The following LRRC4C variants were observed in gnomAD, a reference collection of about 807,000 sequenced individuals.
The protein encoded by LRRC4C is leucine-rich repeat-containing protein 4C.
A neutral mutation model predicts 33.6 loss-of-function variants in LRRC4C; 5 were observed. The observed-to-expected ratio is 0.15, with a 90% CI of 0.08 to 0.31. LRRC4C has a LOEUF of 0.31. LRRC4C is among the 10% of genes least tolerant of loss of function. The probability of loss-of-function intolerance (pLI) is 1.00; values close to 1 mark genes in which losing one functional copy is unlikely to be tolerated. For missense variants in LRRC4C, 560 were observed against 796.7 expected (o/e 0.70, Z 3.58); for synonymous variants, 329 against 302.0 (o/e 1.09, Z -0.93).
At chr11:40,254,866 T>G (rs566006870) in intron 4 of LRRC4C, among the ~76,000 whole-genome samples, 4 of 152,286 alleles carry the variant, frequency 2.6e-5, no homozygotes, top group African/African-American at 9.6e-5. Flanking sequence ...TAAAGTGCAG[T>G]GGTCCAATTA....
intron 1 of LRRC4C, among the ~76,000 whole-genome samples, chr11:41,281,042 T>TTCTCTCTCTCTC (rs71063910): frequency 0.027 from 2,036 of 75,834 alleles, 200 homozygotes; most frequent in African/African-American, 0.068. Flanking sequence ...AATACATATT[T>TTCTCTCTCTCTC]TCTCTCTCTC....
At chr11:40,953,227 G>A (rs1231460867) in intron 1 of LRRC4C, among the ~76,000 whole-genome samples, 4 of 151,816 alleles carry the variant, frequency 2.6e-5, no homozygotes, top group Non-Finnish European at 5.9e-5. Context: ...ATAAAGTAAG[G>A]GAGTTATACA....
intron 3 of LRRC4C, among the ~76,000 whole-genome samples, chr11:40,370,617 G>C (rs1050456273): frequency 2.0e-5 from 3 of 152,112 alleles, no homozygotes; most frequent in East Asian, 1.9e-4. Context: ...ACATACTTAG[G>C]AGCACAAAAT....
At chr11:41,392,255 A>G (rs748598930) in intron 1 of LRRC4C, among the ~76,000 whole-genome samples, 1 of 151,878 alleles carries the variant, frequency 6.6e-6, no homozygotes, top group Non-Finnish European at 1.5e-5. Flanking sequence ...GATGTAAGCC[A>G]CGTGGTGAAT....
At chr11:40,309,196 G>A (rs1480224225) in intron 4 of LRRC4C, among the ~76,000 whole-genome samples, 1 of 152,156 alleles carries the variant, frequency 6.6e-6, no homozygotes, top group African/African-American at 2.4e-5. Context: ...CCTGCCATCA[G>A]TAAACACTAA....
chr11:40,997,292 G>A (rs1365851213), intron 1 of LRRC4C, among the ~76,000 whole-genome samples: 1 of 152,016 alleles, frequency 6.6e-6, no homozygotes, highest in African/African-American at 2.4e-5. Context: ...TGAAAAGAAG[G>A]AAAACTATAA....
At chr11:40,576,914 CAG>C (rs1449539369) in intron 3 of LRRC4C, among the ~76,000 whole-genome samples, 1 of 152,100 alleles carries the variant, frequency 6.6e-6, no homozygotes, top group Non-Finnish European at 1.5e-5. Flanking sequence ...TATAAAATAA[CAG>C]ATTACTAACA....
intron 1 of LRRC4C, among the ~76,000 whole-genome samples, chr11:41,121,917 T>A (rs1331341743): frequency 8.5e-6 from 1 of 117,720 alleles, no homozygotes; most frequent in African/African-American, 2.8e-5. Flanking sequence ...AGAGGTGTTG[T>A]CATCATTAGC....
intron 3 of LRRC4C, among the ~76,000 whole-genome samples, chr11:40,344,440 G>A (rs1947027011): frequency 6.6e-6 from 1 of 151,948 alleles, no homozygotes; most frequent in Non-Finnish European, 1.5e-5. Context: ...AAAGCTTCCA[G>A]TAAAATTCAA....
At chr11:40,127,712 T>A (rs1467285043) in intron 6 of LRRC4C, among the ~76,000 whole-genome samples, 2 of 152,180 alleles carry the variant, frequency 1.3e-5, no homozygotes, top group East Asian at 3.9e-4. Flanking sequence ...CCAATCTGAT[T>A]ATCTGACTAC....
intron 1 of LRRC4C, among the ~76,000 whole-genome samples, chr11:40,958,840 T>C (rs1391753359): frequency 6.6e-6 from 1 of 151,686 alleles, no homozygotes; most frequent in African/African-American, 2.4e-5. Flanking sequence ...GCTATCAGGA[T>C]TCATAAAGAA....
chr11:40,270,776 AC>A (rs1455174056), intron 4 of LRRC4C, among the ~76,000 whole-genome samples: 1 of 152,122 alleles, frequency 6.6e-6, no homozygotes, highest in African/African-American at 2.4e-5. Flanking sequence ...AATTCACTAA[AC>A]AAAAACTTCT....
intron 3 of LRRC4C, among the ~76,000 whole-genome samples, chr11:40,514,651 TC>T (rs1414464381): frequency 6.6e-6 from 1 of 152,120 alleles, no homozygotes; most frequent in Non-Finnish European, 1.5e-5. Context: ...GGATTTTCCT[TC>T]CATCTATTGT....
chr11:40,929,611 T>A (rs1363348082), intron 2 of LRRC4C, among the ~76,000 whole-genome samples: 1 of 151,994 alleles, frequency 6.6e-6, no homozygotes, highest in Non-Finnish European at 1.5e-5. Flanking sequence ...TCTTTTTTAT[T>A]TTATTTTATT....
chr11:40,471,342 T>C (rs1952925332), intron 3 of LRRC4C, among the ~76,000 whole-genome samples: 1 of 152,046 alleles, frequency 6.6e-6, no homozygotes, highest in South Asian at 2.1e-4. Flanking sequence ...TGCTGAGGGA[T>C]TTTTGTCACC....
intron 2 of LRRC4C, among the ~76,000 whole-genome samples, chr11:40,864,971 A>C (rs4755563): frequency 0.71 from 107,341 of 152,054 alleles, 41,571 homozygotes; most frequent in Non-Finnish European, 0.86. Context: ...TCAAACCATA[A>C]CAAAAAGCCA....
At chr11:41,356,325 T>C (rs1479834408) in intron 1 of LRRC4C, among the ~76,000 whole-genome samples, 1 of 152,164 alleles carries the variant, frequency 6.6e-6, no homozygotes, top group Non-Finnish European at 1.5e-5. Context: ...ACTGTGTCTT[T>C]GTAAAAATTA....
intron 1 of LRRC4C, among the ~76,000 whole-genome samples, chr11:40,990,231 T>TTATATATATATATA (rs761772952): frequency 3.6e-4 from 28 of 78,238 alleles, no homozygotes; most frequent in Non-Finnish European, 4.4e-4. Context: ...ATGTCAAGTT[T>TTATATATATATATA]TATATATATA....
At chr11:40,789,581 A>G (rs1012729687) in intron 2 of LRRC4C, among the ~76,000 whole-genome samples, 8 of 149,770 alleles carry the variant, frequency 5.3e-5, no homozygotes, top group African/African-American at 2.0e-4. Context: ...TCTATACTTC[A>G]GATATATTTT....
Sources: gnomAD v4.1 joint callset for allele counts (sites outside exome capture counted in the v4.1 genomes callset) on GRCh38, gnomAD v4.1.1 for gene constraint, MANE v1.5 for transcripts, NCBI Gene and HGNC (gene_info 2026-07-23, HGNC 2026-07-21) for gene names.